Variants in PCDHGB5 observed in about 807,000 individuals in gnomAD.
PCDHGB5 encodes the protein protocadherin gamma subfamily B, 5.
Under a neutral mutation model 62.9 loss-of-function variants are expected in PCDHGB5, and 48 were observed. The observed-to-expected ratio is 0.76, with a 90% CI of 0.61 to 0.97. PCDHGB5 has a LOEUF of 0.97. PCDHGB5 is among the 50% of genes least tolerant of loss of function. The pLI is 0.00. For synonymous variants in PCDHGB5, 474 were observed against 511.2 expected (o/e 0.93, Z 0.98); for missense variants, 1,118 against 1,198.6 (o/e 0.93, Z 0.99).
intron 1 of PCDHGB5, among the ~76,000 whole-genome samples, chr5:141,461,390 C>T (rs1220034894): frequency 2.0e-5 from 3 of 152,080 alleles, no homozygotes; most frequent in East Asian, 3.9e-4. Context: ...TGATGATTAG[C>T]GATGTTGAGC....
In PCDHGB5 at chr5:141,400,245, C is replaced by G. The variant is rs778709619; in HGVS notation, c.2118C>G (p.Ala706=). ...TCTTCCTCCTGGCCGTGATTCTGGC[C>G]GTTGCCTTGCGCCTGCGACGCTCCT... ...SVLFLLAVIL[A]VALRLRRSSS... is the part of the protein sequence containing the mutation. Residue 706 remains alanine (A), a synonymous_variant, in exon 1 of 4, where the codon GCC becomes GCG. Transcript: ENST00000617380. 32 of 1,613,998 alleles carry G rather than the reference C, an allele frequency of 2.0e-5. No homozygotes were observed. Among genetic ancestry groups the G allele is most frequent in the Non-Finnish European group, 2.5e-5 (29 of 1,179,892 alleles).
rs1267722283 is a variant in PCDHGB5 at position 141,493,105 on chromosome 5, G to A, written c.2398-1702G>A. Reference sequence around the variant, plus strand: ...GAGCTTTTATTCAAAATATATCAATGCCTAACTCTGCTCCTAGGACTGTAT... The same window carrying A: ...GAGCTTTTATTCAAAATATATCAATACCTAACTCTGCTCCTAGGACTGTAT... On this transcript the variant is annotated intron_variant, in intron 1 of 3. Coordinates refer to ENST00000617380, the MANE Select transcript of PCDHGB5 (RefSeq NM_018925.3). This position sits in a 1 kb window ranked among gnomAD's most constrained non-coding sequence, Gnocchi z 4.3. Among the ~76,000 whole-genome samples, 1 of 152,076 alleles carries A rather than the reference G, an allele frequency of 6.6e-6. No homozygotes were observed. Among genetic ancestry groups the A allele is most frequent in the Non-Finnish European group, 1.5e-5 (1 of 67,994 alleles).
intron 1 of PCDHGB5, among the ~76,000 whole-genome samples, chr5:141,456,733 G>A (rs1186997201): frequency 6.6e-6 from 1 of 152,182 alleles, no homozygotes; most frequent in Non-Finnish European, 1.5e-5. Context: ...GGGAGGCTGA[G>A]GCGGGAGCAT....
Position 141,477,827 on chromosome 5 carries a change from C to T in PCDHGB5, c.2398-16980C>T, listed in dbSNP as rs2099419143. On this transcript the variant is annotated intron_variant, in intron 1 of 3. Coordinates refer to ENST00000617380, the MANE Select transcript of PCDHGB5 (RefSeq NM_018925.3). The surrounding 1 kb of genome is among the most constrained non-coding windows in gnomAD (Gnocchi z 4.9). ...CAATGCCCCCCAGGTCCTATATCCT[C>T]GGCCAGGTGGGAGCTCGGTGGAGAT... The T allele has an allele frequency of 1.2e-6, 2 of 1,614,038 alleles. No individual in the cohort carries two copies. Among genetic ancestry groups the T allele is most frequent in the African/African-American group, 1.3e-5 (1 of 74,928 alleles).
intron 1 of PCDHGB5, chr5:141,403,792 A>G: frequency 1.2e-6 from 2 of 1,613,922 alleles, no homozygotes; most frequent in African/African-American, 1.3e-5. Context: ...TGGCATACAA[A>G]TTCTGGAAAA....
chr5:141,449,804 T>C (rs991937787), intron 1 of PCDHGB5, among the ~76,000 whole-genome samples: 2 of 151,676 alleles, frequency 1.3e-5, no homozygotes, highest in Non-Finnish European at 2.9e-5. Flanking sequence ...AAATACCTCA[T>C]TGTGTATTTC....
intron 1 of PCDHGB5, chr5:141,422,968 C>A (rs766010601): frequency 6.2e-7 from 1 of 1,614,240 alleles, no homozygotes; most frequent in Non-Finnish European, 8.5e-7. Context: ...GCTGGCGCCC[C>A]GCTCTGCGGA....
At chr5:141,453,046 T>C (rs1561950003) in intron 1 of PCDHGB5, among the ~76,000 whole-genome samples, 1 of 152,186 alleles carries the variant, frequency 6.6e-6, no homozygotes, top group Non-Finnish European at 1.5e-5. Context: ...GTTTCTATTA[T>C]GTGCAGTTTT....
chr5:141,420,492 TC>T (rs1172385190), intron 1 of PCDHGB5: 8 of 508,012 alleles, frequency 1.6e-5, no homozygotes, highest in Non-Finnish European at 1.8e-5. Flanking sequence ...ATGGGTAATC[TC>T]CGGTGACATT....
At chr5:141,410,147 G>T in intron 1 of PCDHGB5, 1 of 1,612,952 alleles carries the variant, frequency 6.2e-7, no homozygotes, top group Non-Finnish European at 8.5e-7. Flanking sequence ...TGTGCGTGAC[G>T]GTGGACAGCC....
chr5:141,421,817 T>A (rs375019903), intron 1 of PCDHGB5: 34 of 1,613,662 alleles, frequency 2.1e-5, no homozygotes, highest in Non-Finnish European at 2.8e-5. Context: ...GAGCTAGTAC[T>A]GGAGGGAAGC....
In PCDHGB5 at chr5:141,431,280, C is replaced by T. The variant is rs2097357763; in HGVS notation, c.2397+30756C>T. The T allele has an allele frequency of 1.9e-6, 3 of 1,614,146 alleles. No homozygotes were observed. Among genetic ancestry groups the T allele is most frequent in the South Asian group, 1.1e-5 (1 of 91,088 alleles). ...TCTCTGCAGAGCTACGAGCTCAGCC[C>T]GAACACTCACTTCTCCCTCATCGTG... On this transcript the variant is annotated intron_variant, in intron 1 of 3. Transcript: ENST00000617380. This position sits in a 1 kb window ranked among gnomAD's most constrained non-coding sequence, Gnocchi z 4.8.
intron 1 of PCDHGB5, chr5:141,430,796 C>T (rs1347347402): frequency 6.6e-6 from 10 of 1,522,232 alleles, no homozygotes; most frequent in Non-Finnish European, 8.8e-6. Flanking sequence ...CTACAAAGGG[C>T]TTGTCCTGCT....
chr5:141,404,021 A>C lies in PCDHGB5; in HGVS notation c.2397+3497A>C, dbSNP rs192150782. 5 of 1,613,894 alleles carry C rather than the reference A, an allele frequency of 3.1e-6. No individual in the cohort carries two copies. The African/African-American group carries it at 4.0e-5, about 13-fold the overall frequency. ...CATTACATCTCTGTTTAGCCCAGTG[A>C]GAGAAGACGCACCTCAGGGAACAGT... On this transcript the variant is annotated intron_variant, in intron 1 of 3. Coordinates refer to ENST00000617380, the MANE Select transcript of PCDHGB5 (RefSeq NM_018925.3).
chr5:141,418,396 A>G lies in PCDHGB5; in HGVS notation c.2397+17872A>G, dbSNP rs139206858. 4.9e-3 allele frequency: 7,975 copies of G among 1,613,844 alleles called. 44 individuals are homozygous for G. The highest frequency in any genetic ancestry group is 9.4e-3 in the Admixed American group (567 of 60,030). On this transcript the variant is annotated intron_variant, in intron 1 of 3. Coordinates refer to ENST00000617380, the MANE Select transcript of PCDHGB5 (RefSeq NM_018925.3). Reference sequence around the variant, plus strand: ...AACTAAGTCCTAACGAGTATTTCTCATTGGTGGAGAAAGACAATCCTGATG... The same window carrying G: ...AACTAAGTCCTAACGAGTATTTCTCGTTGGTGGAGAAAGACAATCCTGATG...
At chr5:141,475,957 G>A (rs776101269) in intron 1 of PCDHGB5, 148 of 812,416 alleles carry the variant, frequency 1.8e-4, no homozygotes, top group Non-Finnish European at 2.6e-4. Flanking sequence ...CTGCGCCCCG[G>A]GATGAGGCAG....
chr5:141,422,043 G>A (rs1307532347), intron 1 of PCDHGB5: 13 of 1,611,504 alleles, frequency 8.1e-6, no homozygotes, highest in African/African-American at 1.3e-5. Flanking sequence ...ATCCAGACGA[G>A]GGAATCAACG....
intron 1 of PCDHGB5, among the ~76,000 whole-genome samples, chr5:141,492,408 C>T (rs1187024017): frequency 2.0e-5 from 3 of 152,244 alleles, no homozygotes; most frequent in African/African-American, 2.4e-5. Flanking sequence ...CTCCCCTCTG[C>T]CGCTCCCTCC....
Position 141,485,152 on chromosome 5 carries a change from A to C in PCDHGB5, c.2398-9655A>C. ...CTTCATCCGCGTCTCAGGAGCAAGT[A>C]GAGAATTAGCGGGCGGCAGCAATGC... On this transcript the variant is annotated intron_variant, in intron 1 of 3. Coordinates refer to ENST00000617380, the MANE Select transcript of PCDHGB5 (RefSeq NM_018925.3). The surrounding 1 kb of genome is among the most constrained non-coding windows in gnomAD (Gnocchi z 5.7). 8.8e-6 allele frequency: 14 copies of C among 1,586,038 alleles called. No individual in the cohort carries two copies. The highest frequency in any genetic ancestry group is 1.0e-5 in the Non-Finnish European group (12 of 1,157,128).
Sources: gnomAD v4.1 joint callset for allele counts (sites outside exome capture counted in the v4.1 genomes callset) on GRCh38, gnomAD v4.1.1 for gene constraint, Gnocchi (gnomAD v3.1) non-coding constraint, MANE v1.5 for transcripts, NCBI Gene and HGNC (gene_info 2026-07-23, HGNC 2026-07-21) for gene names.